Variants in RBFOX1 observed in about 807,000 individuals in gnomAD.
The protein encoded by RBFOX1 is RNA binding protein fox-1 homolog 1.
A neutral mutation model predicts 57.7 loss-of-function variants in RBFOX1; 8 were observed. The ratio of observed to expected loss-of-function variants is 0.14; its 90% CI spans 0.08 to 0.25. RBFOX1 has a LOEUF of 0.25. RBFOX1 is among the 10% of genes least tolerant of loss of function. RBFOX1 has a pLI of 1.00. For synonymous variants in RBFOX1, 326 were observed against 222.4 expected, an observed-to-expected ratio of 1.47 and a Z score of -4.15; for missense variants, 611 against 548.5, an observed-to-expected ratio of 1.11 and a Z score of -1.14.
chr16:5,349,988 A>G (rs116769065), intron 1 of RBFOX1, among the ~76,000 whole-genome samples: 3,775 of 152,252 alleles, frequency 0.025, 158 homozygotes, highest in African/African-American at 0.086. Flanking sequence ...AAATAAATTG[A>G]TCTGCTGATG....
Position 6,780,345 on chromosome 16 carries a change from A to ATATATATT in RBFOX1, c.-16+125699_-16+125700insTATTTATA, listed in dbSNP as rs1555461169. Among the ~76,000 whole-genome samples, 383 of 80,448 alleles carry ATATATATT rather than the reference A, an allele frequency of 4.8e-3. 62 individuals carry two copies. Among genetic ancestry groups the ATATATATT allele is most frequent in the African/African-American group, 0.028 (360 of 12,682 alleles). The allele number at this position is 80,448 out of a possible 152,430, so 52.8% of individuals were successfully genotyped here. On this transcript the variant is annotated intron_variant, in intron 3 of 15. Coordinates refer to ENST00000550418, the MANE Select transcript of RBFOX1 (RefSeq NM_018723.4). The stretch of plus-strand genomic sequence containing the variant: ...TATTTATATATATTTATACATATTT[A>ATATATATT]TATACATATTTATATACATATTTAT...
intron 3 of RBFOX1, among the ~76,000 whole-genome samples, chr16:6,989,499 C>A (rs1275502626): frequency 6.6e-6 from 1 of 152,132 alleles, no homozygotes; most frequent in African/African-American, 2.4e-5. Flanking sequence ...ATATAGCAAT[C>A]TTTAGATAAA....
At chr16:7,122,083 C>T (rs1372914914) in intron 4 of RBFOX1, among the ~76,000 whole-genome samples, 2 of 151,952 alleles carry the variant, frequency 1.3e-5, no homozygotes, top group African/African-American at 4.8e-5. Context: ...TATTCACGTC[C>T]AAAGGAGTTA....
At chr16:5,975,252 T>G (rs1214087517) in intron 4 of RBFOX1, among the ~76,000 whole-genome samples, 2 of 152,200 alleles carry the variant, frequency 1.3e-5, no homozygotes, top group Non-Finnish European at 2.9e-5. Context: ...TCTAACTGCA[T>G]CGCTATCCTG....
intron 4 of RBFOX1, among the ~76,000 whole-genome samples, chr16:7,283,781 C>T (rs78166352): frequency 0.027 from 4,069 of 152,258 alleles, 95 homozygotes; most frequent in East Asian, 0.12. Context: ...GCATCAAAGT[C>T]AGGTTTACTG....
At chr16:6,845,446 C>G (rs995125206) in intron 3 of RBFOX1, among the ~76,000 whole-genome samples, 4 of 152,040 alleles carry the variant, frequency 2.6e-5, no homozygotes, top group Non-Finnish European at 4.4e-5. Flanking sequence ...AATCCTTTCC[C>G]CATTGCTTGT....
intron 3 of RBFOX1, among the ~76,000 whole-genome samples, chr16:6,936,633 T>C (rs2153486390): frequency 6.6e-6 from 1 of 152,176 alleles, no homozygotes; most frequent in East Asian, 1.9e-4. Flanking sequence ...AGAAGCACTA[T>C]AAGGTAATTA....
chr16:5,617,876 C>T (rs969961682), intron 3 of RBFOX1, among the ~76,000 whole-genome samples: 2 of 152,166 alleles, frequency 1.3e-5, no homozygotes, highest in Non-Finnish European at 2.9e-5. Flanking sequence ...CGAAGCTTAT[C>T]TGTGACATTA....
At chr16:6,199,462 T>G (rs937102027) in intron 1 of RBFOX1, among the ~76,000 whole-genome samples, 1 of 152,184 alleles carries the variant, frequency 6.6e-6, no homozygotes, top group Non-Finnish European at 1.5e-5. Context: ...CCAGGATGAA[T>G]CAGTAGATCT....
intron 4 of RBFOX1, among the ~76,000 whole-genome samples, chr16:7,507,545 G>T (rs975450649): frequency 7.9e-5 from 11 of 138,754 alleles, no homozygotes; most frequent in African/African-American, 2.8e-4. Context: ...CTTGGAACGT[G>T]ATTTTTTTTT....
chr16:5,308,752 CAT>C (rs1491009496), intron 1 of RBFOX1, among the ~76,000 whole-genome samples: 3 of 151,582 alleles, frequency 2.0e-5, no homozygotes, highest in African/African-American at 7.3e-5. Context: ...CTATGTGTTA[CAT>C]TTTTTTTCAA....
intron 7 of RBFOX1, 79 bp downstream of exon 7, chr16:7,587,379 G>C: frequency 7.6e-7 from 1 of 1,310,514 alleles, no homozygotes; most frequent in African/African-American, 1.5e-5. Flanking sequence ...CAACTGCACT[G>C]TCTTAATCAG....
At chr16:5,349,925 C>T (rs1175276232) in intron 1 of RBFOX1, among the ~76,000 whole-genome samples, 2 of 152,174 alleles carry the variant, frequency 1.3e-5, no homozygotes, top group Non-Finnish European at 2.9e-5. Flanking sequence ...TCTCCCTGTG[C>T]TCCTTCCCAG....
At chr16:6,953,482 T>C (rs1216448208) in intron 3 of RBFOX1, among the ~76,000 whole-genome samples, 2 of 151,996 alleles carry the variant, frequency 1.3e-5, no homozygotes, top group Admixed American at 6.6e-5. Context: ...ACCTCCTGGG[T>C]TCAAGCGATT....
At chr16:6,961,328 C>A (rs2082960801) in intron 3 of RBFOX1, among the ~76,000 whole-genome samples, 1 of 152,110 alleles carries the variant, frequency 6.6e-6, no homozygotes, top group Non-Finnish European at 1.5e-5. Flanking sequence ...CAAGTGGAGC[C>A]CCTGGGTCCC....
chr16:5,487,515 C>T (rs1020413872), intron 2 of RBFOX1, among the ~76,000 whole-genome samples: 3 of 152,140 alleles, frequency 2.0e-5, no homozygotes, highest in African/African-American at 4.8e-5. Context: ...GCAGAAAACT[C>T]AAGTCTGGAA....
At chr16:6,663,645 G>C (rs12924717) in intron 3 of RBFOX1, among the ~76,000 whole-genome samples, 34,052 of 150,688 alleles carry the variant, frequency 0.23, 4,603 homozygotes, top group African/African-American at 0.32. Flanking sequence ...GACTCACAGA[G>C]TCCCCTGGGG....
intron 3 of RBFOX1, among the ~76,000 whole-genome samples, chr16:6,676,153 C>CGT (rs2057636095): frequency 2.6e-5 from 3 of 116,658 alleles, no homozygotes; most frequent in African/African-American, 1.3e-4. Context: ...CACACACACA[C>CGT]ACACACACAC....
intron 3 of RBFOX1, among the ~76,000 whole-genome samples, chr16:5,717,024 C>T (rs1356630225): frequency 1.4e-5 from 2 of 144,332 alleles, no homozygotes; most frequent in East Asian, 1.9e-4. Flanking sequence ...AGAAAAAACT[C>T]TTAACTCCAG....
Sources: gnomAD v4.1 joint callset for allele counts (sites outside exome capture counted in the v4.1 genomes callset) on GRCh38, gnomAD v4.1.1 for gene constraint, MANE v1.5 for transcripts, NCBI Gene and HGNC (gene_info 2026-07-23, HGNC 2026-07-21) for gene names.